The following PARP8 variants were observed in gnomAD, a reference collection of about 807,000 sequenced individuals.
PARP8 encodes the protein poly(ADP-ribose) polymerase family member 8, also known as protein mono-ADP-ribosyltransferase PARP8.
PARP8 carries 51 observed loss-of-function variants against 124.1 expected under a neutral mutation model. That is an observed-to-expected ratio of 0.41 (90% CI 0.33 to 0.52). The LOEUF (loss-of-function observed/expected upper bound fraction) is 0.52, where lower values mean the gene tolerates loss of function less well. Among genes scored for constraint, PARP8 ranks in the 20% least tolerant of loss-of-function variants. PARP8 has a pLI of 0.21. For synonymous variants in PARP8, 391 were observed against 361.5 expected (o/e 1.08, Z -0.93); for missense variants, 860 against 1,018.9 (o/e 0.84, Z 2.12).
intron 3 of PARP8, among the ~76,000 whole-genome samples, chr5:50,754,150 T>TATATATATACACACACAC (rs1312947286): frequency 8.1e-5 from 3 of 37,174 alleles, no homozygotes; most frequent in African/African-American, 2.4e-4. Flanking sequence ...TATATATATA[T>TATATATATACACACACAC]ACACACACAC....
At chr5:50,813,437 G>A (rs891278037) in intron 14 of PARP8, among the ~76,000 whole-genome samples, 15 of 152,238 alleles carry the variant, frequency 9.9e-5, no homozygotes, top group Non-Finnish European at 1.8e-4. Flanking sequence ...TTTGCACATT[G>A]ATTTTGTATC....
intron 11 of PARP8, 37 bp from the exon 12 acceptor site, chr5:50,794,816 T>G: frequency 6.5e-7 from 1 of 1,545,750 alleles, no homozygotes; most frequent in Non-Finnish European, 8.9e-7. Flanking sequence ...GATGTACCTG[T>G]GATTTGCCCT....
chr5:50,837,743 G>C (rs62365485), intron 25 of PARP8, among the ~76,000 whole-genome samples: 1,894 of 151,708 alleles, frequency 0.012, 32 homozygotes, highest in Non-Finnish European at 0.014. Flanking sequence ...TAGGGAACAG[G>C]CTGGTGCATC....
intron 2 of PARP8, among the ~76,000 whole-genome samples, chr5:50,745,313 C>T (rs1395924477): frequency 6.6e-6 from 1 of 152,140 alleles, no homozygotes; most frequent in Admixed American, 6.5e-5. Flanking sequence ...TTCCAGAGAA[C>T]ATTCATTCAT....
intron 18 of PARP8, among the ~76,000 whole-genome samples, 195 bp downstream of exon 18, chr5:50,825,170 A>G (rs143127137): frequency 1.3e-5 from 2 of 152,256 alleles, no homozygotes; most frequent in South Asian, 2.1e-4. Context: ...AAACTTATAC[A>G]TCACAAGGGG....
intron 7 of PARP8, among the ~76,000 whole-genome samples, chr5:50,768,618 T>A (rs1237514081): frequency 6.6e-6 from 1 of 152,184 alleles, no homozygotes; most frequent in Non-Finnish European, 1.5e-5. Context: ...GAAATTATTT[T>A]GAGTTATTAT....
In PARP8 at chr5:50,667,978, C is replaced by T. The variant is rs946684531; in HGVS notation, c.92-93C>T. 9 of 1,604,620 alleles carry T rather than the reference C, an allele frequency of 5.6e-6. No homozygotes were observed. The African/African-American group carries it at 6.7e-5, about 12-fold the overall frequency. On this transcript the variant is annotated intron_variant, in intron 1 of 25. Transcript: ENST00000281631. Reference sequence around the variant, plus strand: ...CCTTGCCTTCTGCCCGGCCAGGCCTCCCCTGACACCACCGAATGTGGGGCT... The same window carrying T: ...CCTTGCCTTCTGCCCGGCCAGGCCTTCCCTGACACCACCGAATGTGGGGCT...
intron 2 of PARP8, among the ~76,000 whole-genome samples, chr5:50,710,683 T>A (rs1482549723): frequency 6.6e-6 from 1 of 152,104 alleles, no homozygotes; most frequent in Admixed American, 6.6e-5. Context: ...TGGATGCTCT[T>A]TTGTTGTGTG....
intron 2 of PARP8, among the ~76,000 whole-genome samples, chr5:50,697,985 G>T (rs1041083217): frequency 1.1e-4 from 17 of 152,074 alleles, no homozygotes; most frequent in Admixed American, 8.5e-4. Context: ...TCAGTGTCAG[G>T]AAGAAAAGCC....
chr5:50,676,724 T>TA (rs1283777568), intron 2 of PARP8, among the ~76,000 whole-genome samples: 2 of 152,216 alleles, frequency 1.3e-5, no homozygotes, highest in African/African-American at 2.4e-5. Context: ...TAAATTACAT[T>TA]AAAAAATCAA....
chr5:50,767,633 T>C (rs1231952666), intron 7 of PARP8, among the ~76,000 whole-genome samples: 1 of 152,232 alleles, frequency 6.6e-6, no homozygotes, highest in Non-Finnish European at 1.5e-5. Flanking sequence ...CTTTCTTATC[T>C]GGATCTAATT....
At chr5:50,671,501 T>G (rs1424624850) in intron 2 of PARP8, among the ~76,000 whole-genome samples, 5 of 40,452 alleles carry the variant, frequency 1.2e-4, no homozygotes, top group Non-Finnish European at 2.5e-4. Context: ...GAATTGTGTT[T>G]TGTAAAAAAA....
At chr5:50,714,959 A>G (rs1755148230) in intron 2 of PARP8, among the ~76,000 whole-genome samples, 1 of 152,068 alleles carries the variant, frequency 6.6e-6, no homozygotes, top group African/African-American at 2.4e-5. Context: ...AGTGGTAGAA[A>G]TCTGTCTTCC....
chr5:50,751,186 A>G (rs754672333), intron 3 of PARP8, among the ~76,000 whole-genome samples: 1 of 152,156 alleles, frequency 6.6e-6, no homozygotes, highest in East Asian at 1.9e-4. Context: ...CACAGGATGT[A>G]TGGTAGAAGA....
intron 7 of PARP8, among the ~76,000 whole-genome samples, chr5:50,772,392 G>A (rs1326415000): frequency 6.6e-6 from 1 of 152,136 alleles, no homozygotes; most frequent in African/African-American, 2.4e-5. Context: ...TGGGCCACAT[G>A]GTGGTTCTAT....
At chr5:50,828,422 C>T in intron 21 of PARP8, 38 bp downstream of exon 21, 5 of 1,558,592 alleles carry the variant, frequency 3.2e-6, no homozygotes, top group Non-Finnish European at 4.4e-6. Context: ...CTTCATTCTT[C>T]TTCAGAATTG....
chr5:50,785,719 A>T (rs1050836472), intron 9 of PARP8, among the ~76,000 whole-genome samples: 3 of 152,178 alleles, frequency 2.0e-5, no homozygotes, highest in Non-Finnish European at 4.4e-5. Flanking sequence ...TTGGGGATAC[A>T]AACACCCAAT....
chr5:50,772,259 A>G (rs540282750), intron 7 of PARP8, among the ~76,000 whole-genome samples: 12 of 152,252 alleles, frequency 7.9e-5, no homozygotes, highest in Non-Finnish European at 1.8e-4. Context: ...CTGTTAATGG[A>G]CACTTAGGTT....
At chr5:50,676,372 A>G (rs181191848) in intron 2 of PARP8, among the ~76,000 whole-genome samples, 13 of 152,346 alleles carry the variant, frequency 8.5e-5, no homozygotes, top group African/African-American at 2.6e-4. Context: ...TCATGCCCCT[A>G]ACTTTTCTAC....
Sources: allele counts gnomAD v4.1 joint callset (sites outside exome capture counted in the v4.1 genomes callset), GRCh38; gene constraint gnomAD v4.1.1; transcripts MANE v1.5; gene names NCBI Gene and HGNC (gene_info 2026-07-23, HGNC 2026-07-21).